Variants in CRADD observed in about 807,000 individuals in gnomAD.
CRADD encodes death domain-containing protein CRADD.
CRADD carries 9 observed loss-of-function variants against 15.5 expected under a neutral mutation model. The ratio of observed to expected loss-of-function variants is 0.58; its 90% CI spans 0.35 to 1.01. The LOEUF (loss-of-function observed/expected upper bound fraction) is 1.01. Ranked by LOEUF, CRADD falls within the 50% of genes least tolerant of loss-of-function variation. The pLI, the probability that CRADD is intolerant of heterozygous loss-of-function variation, is 0.02. For missense variants in CRADD, 227 were observed against 250.3 expected (o/e 0.91, Z 0.63); for synonymous variants, 118 against 107.6 (o/e 1.10, Z -0.60).
chr12:93,877,352 A>G (rs1958464576), intron 2 of CRADD, among the ~76,000 whole-genome samples: 2 of 152,186 alleles, frequency 1.3e-5, no homozygotes, highest in African/African-American at 4.8e-5. Flanking sequence ...TGTTCACTCA[A>G]AGCCCTAGGG....
At chr12:93,732,372 A>G (rs1956482063) in intron 2 of CRADD, among the ~76,000 whole-genome samples, 1 of 152,198 alleles carries the variant, frequency 6.6e-6, no homozygotes, top group Non-Finnish European at 1.5e-5. Flanking sequence ...TAAATTACTT[A>G]CCAAATGTAA....
At chr12:93,821,512 A>G (rs573120307) in intron 2 of CRADD, among the ~76,000 whole-genome samples, 1 of 152,294 alleles carries the variant, frequency 6.6e-6, no homozygotes, top group African/African-American at 2.4e-5. Flanking sequence ...GAAACACACC[A>G]TGTAACTTGA....
chr12:93,745,970 C>T (rs1956742969), intron 2 of CRADD, among the ~76,000 whole-genome samples: 2 of 151,968 alleles, frequency 1.3e-5, no homozygotes, highest in Admixed American at 1.3e-4. Context: ...ACCACCACCA[C>T]CTAAAATGAA....
Position 93,779,659 on chromosome 12 carries a change from G to A in CRADD, c.299-70311G>A, listed in dbSNP as rs539436902. On this transcript the variant is annotated intron_variant, in intron 2 of 2. Coordinates refer to ENST00000332896, the MANE Select transcript of CRADD (RefSeq NM_003805.5). Reference sequence around the variant, plus strand: ...GGCTGGAGTGCAGTGGTGCAATCTCGGCCCACTGCAACCTCCACCTCCTGG... The same window carrying A: ...GGCTGGAGTGCAGTGGTGCAATCTCAGCCCACTGCAACCTCCACCTCCTGG... Among the ~76,000 whole-genome samples the A allele has an allele frequency of 7.4e-5, 11 of 148,512 alleles. No homozygotes were observed. In the South Asian group the frequency reaches 1.1e-3, roughly 15 times the overall value.
At chr12:93,839,055 G>T (rs1958017527) in intron 2 of CRADD, among the ~76,000 whole-genome samples, 1 of 152,126 alleles carries the variant, frequency 6.6e-6, no homozygotes, top group Non-Finnish European at 1.5e-5. Flanking sequence ...TTACAGGCGT[G>T]ATCCATGGGT....
intron 2 of CRADD, among the ~76,000 whole-genome samples, chr12:93,705,257 G>GA (rs955267186): frequency 2.6e-5 from 4 of 152,108 alleles, no homozygotes; most frequent in African/African-American, 9.7e-5. Flanking sequence ...TTTTGAAATT[G>GA]AAAAAATTAC....
intron 2 of CRADD, chr12:93,859,551 A>G (rs1958302862): frequency 3.1e-6 from 1 of 325,242 alleles, no homozygotes; most frequent in Admixed American, 3.9e-5. Flanking sequence ...GAGAACATTT[A>G]TTAATGAAGA....
In CRADD at chr12:93,762,001, A is replaced by G. The variant is rs117072506; in HGVS notation, c.298+82929A>G. Among the ~76,000 whole-genome samples the G allele has an allele frequency of 3.0e-4, 45 of 152,320 alleles. No homozygotes were observed. The East Asian group carries it at 4.2e-3, about 14-fold the overall frequency. On this transcript the variant is annotated intron_variant, in intron 2 of 2. Transcript: ENST00000332896. ...CTGTGCTTTGTTTCCTTCCAACCTTAAAGGAAATACTACCCTACTTCAATA... is the reference window on the plus strand; with the variant it reads ...CTGTGCTTTGTTTCCTTCCAACCTTGAAGGAAATACTACCCTACTTCAATA...
intron 2 of CRADD, among the ~76,000 whole-genome samples, chr12:93,790,235 T>C (rs558779886): frequency 1.3e-5 from 2 of 152,302 alleles, no homozygotes; most frequent in South Asian, 4.1e-4. Flanking sequence ...TTATCATTTC[T>C]AATAACTTTA....
chr12:93,812,164 GA>G (rs1957635150), intron 2 of CRADD, among the ~76,000 whole-genome samples: 1 of 152,134 alleles, frequency 6.6e-6, no homozygotes, highest in Non-Finnish European at 1.5e-5. Context: ...TTAGGGCAGT[GA>G]AACTCTTCTA....
intron 2 of CRADD, among the ~76,000 whole-genome samples, chr12:93,759,166 T>C (rs139036298): frequency 1.2e-4 from 18 of 152,316 alleles, no homozygotes; most frequent in Non-Finnish European, 2.6e-4. Flanking sequence ...TGTTTACTTT[T>C]AGTGGACATG....
downstream of CRADD, among the ~76,000 whole-genome samples, chr12:93,855,156 C>T (rs534994745): frequency 6.6e-6 from 1 of 152,200 alleles, no homozygotes; most frequent in East Asian, 1.9e-4. Flanking sequence ...GATCGCGCCA[C>T]TTCACTCGAG....
At chr12:93,842,009 C>T (rs10859597) in intron 2 of CRADD, among the ~76,000 whole-genome samples, 127,319 of 152,146 alleles carry the variant, frequency 0.84, 53,828 homozygotes, top group African/African-American at 0.96. Flanking sequence ...AAAAAAAATA[C>T]CTGCTTACAA....
chr12:93,727,323 A>G (rs1157063688), intron 2 of CRADD, among the ~76,000 whole-genome samples: 1 of 152,128 alleles, frequency 6.6e-6, no homozygotes, highest in Non-Finnish European at 1.5e-5. Context: ...AGGGCTCTGT[A>G]GTTGCAAGAT....
At chr12:93,690,338 G>T (rs1424228513) in intron 2 of CRADD, among the ~76,000 whole-genome samples, 3 of 152,222 alleles carry the variant, frequency 2.0e-5, no homozygotes, top group Non-Finnish European at 4.4e-5. Flanking sequence ...TCACGCCCAT[G>T]GGCCTGGAAA....
chr12:93,779,265 TA>T (rs1374988086), intron 2 of CRADD, among the ~76,000 whole-genome samples: 3 of 152,226 alleles, frequency 2.0e-5, no homozygotes, highest in African/African-American at 7.2e-5. Flanking sequence ...ATGGAAATAC[TA>T]CCCTGAACTT....
At chr12:93,683,369 G>A (rs373542287) in intron 2 of CRADD, among the ~76,000 whole-genome samples, 4 of 152,170 alleles carry the variant, frequency 2.6e-5, no homozygotes, top group African/African-American at 7.2e-5. Context: ...TCTCTCCTCC[G>A]TTGGTTTGAT....
chr12:93,726,101 T>TG (rs1956360916), intron 2 of CRADD, among the ~76,000 whole-genome samples: 1 of 136,098 alleles, frequency 7.3e-6, no homozygotes, highest in Non-Finnish European at 1.5e-5. Flanking sequence ...TTAGTTTTTT[T>TG]TTTTTTTTTT....
intron 2 of CRADD, chr12:93,859,404 A>G (rs1232485006): frequency 4.4e-6 from 2 of 455,388 alleles, no homozygotes; most frequent in East Asian, 1.4e-4. Flanking sequence ...AGATGACCTA[A>G]GGCCTCGTTA....
Sources: gnomAD v4.1 joint callset for allele counts (sites outside exome capture counted in the v4.1 genomes callset) on GRCh38, gnomAD v4.1.1 for gene constraint, MANE v1.5 for transcripts, NCBI Gene and HGNC (gene_info 2026-07-23, HGNC 2026-07-21) for gene names.